TMEM232: variants seen among roughly 807,000 people sequenced by gnomAD.
The protein encoded by TMEM232 is transmembrane protein 232.
In TMEM232, 80 loss-of-function variants were observed where a neutral mutation model predicts 78.8. The ratio of observed to expected loss-of-function variants is 1.01; its 90% CI spans 0.85 to 1.22. The LOEUF (loss-of-function observed/expected upper bound fraction) is 1.22, where lower values mean the gene tolerates loss of function less well. Among genes scored for constraint, TMEM232 ranks in the 50% most tolerant of loss-of-function variants. The probability of loss-of-function intolerance (pLI) is 0.00; values close to 1 mark genes in which losing one functional copy is unlikely to be tolerated. For missense variants in TMEM232, 881 were observed against 742.2 expected (o/e 1.19, Z -2.17); for synonymous variants, 297 against 254.3 (o/e 1.17, Z -1.60).
chr5:110,563,787 T>G (rs1278466156), intron 11 of TMEM232, among the ~76,000 whole-genome samples: 3 of 151,866 alleles, frequency 2.0e-5, no homozygotes, highest in Non-Finnish European at 4.4e-5. Flanking sequence ...GGGCTCCTAA[T>G]CCAAAACCAA....
chr5:110,648,180 C>T lies in TMEM232; in HGVS notation c.126-5809G>A, dbSNP rs565642410. Among the ~76,000 whole-genome samples the T allele has an allele frequency of 1.6e-4, 25 of 152,062 alleles. No homozygotes were observed. The East Asian group carries it at 4.4e-3, about 27-fold the overall frequency. ...TAATCATCAAGATAATAGGGAAATT[C>T]AAATTAAAACCAAAATTAGATGCTA... On this transcript the variant is annotated intron_variant, in intron 2 of 13. Coordinates refer to ENST00000455884, the MANE Select transcript of TMEM232 (RefSeq NM_001039763.4).
chr5:110,461,454 T>C (rs1761519642), intron 12 of TMEM232, among the ~76,000 whole-genome samples: 1 of 152,184 alleles, frequency 6.6e-6, no homozygotes, highest in Admixed American at 6.5e-5. Flanking sequence ...AAATAAGTTG[T>C]TCCTATATCA....
intron 12 of TMEM232, among the ~76,000 whole-genome samples, chr5:110,505,815 T>C (rs1766819787): frequency 6.6e-6 from 1 of 152,138 alleles, no homozygotes; most frequent in African/African-American, 2.4e-5. Context: ...CTGTCCTAAA[T>C]AGGCATTCCT....
At chr5:110,725,374 A>C (rs1021628136) in intron 1 of TMEM232, among the ~76,000 whole-genome samples, 5 of 152,224 alleles carry the variant, frequency 3.3e-5, no homozygotes, top group African/African-American at 1.2e-4. Flanking sequence ...AGAACTACAT[A>C]CAGGACACAT....
At chr5:110,611,061 T>C (rs1003405279) in intron 8 of TMEM232, among the ~76,000 whole-genome samples, 1 of 152,140 alleles carries the variant, frequency 6.6e-6, no homozygotes, top group African/African-American at 2.4e-5. Context: ...AAAATAATTT[T>C]ATAAATATGA....
At chr5:110,600,132 G>A (rs1780704410) in intron 10 of TMEM232, among the ~76,000 whole-genome samples, 2 of 152,134 alleles carry the variant, frequency 1.3e-5, no homozygotes, top group South Asian at 4.1e-4. Flanking sequence ...AAGGAACAAT[G>A]TACCAGAATC....
At chr5:110,491,313 G>A (rs557628114) in intron 12 of TMEM232, among the ~76,000 whole-genome samples, 2 of 152,044 alleles carry the variant, frequency 1.3e-5, no homozygotes, top group African/African-American at 4.8e-5. Flanking sequence ...TAAAAAGACC[G>A]ATAATAACAA....
chr5:110,538,993 A>G (rs181062919), intron 11 of TMEM232, among the ~76,000 whole-genome samples: 31 of 152,310 alleles, frequency 2.0e-4, no homozygotes, highest in Non-Finnish European at 3.5e-4. Context: ...TAGTAGTACC[A>G]AACTCTCCAA....
chr5:110,676,251 G>C (rs1174522479), intron 1 of TMEM232, among the ~76,000 whole-genome samples: 2 of 152,120 alleles, frequency 1.3e-5, no homozygotes, highest in Non-Finnish European at 2.9e-5. Context: ...ATGTCTCTTT[G>C]ACATGCTGAT....
chr5:110,636,974 A>G (rs1421151262), intron 5 of TMEM232, among the ~76,000 whole-genome samples: 1 of 151,954 alleles, frequency 6.6e-6, no homozygotes, highest in East Asian at 1.9e-4. Flanking sequence ...CAGAAATACA[A>G]AAGGCAAGAA....
chr5:110,438,476 A>C (rs1052667667), intron 12 of TMEM232, among the ~76,000 whole-genome samples: 10 of 151,958 alleles, frequency 6.6e-5, no homozygotes, highest in Non-Finnish European at 1.0e-4. Flanking sequence ...TTCATTAAGA[A>C]AATAGATTTG....
chr5:110,458,255 GTCTTTGTTTTGTCA>G (rs1248334569), intron 12 of TMEM232, among the ~76,000 whole-genome samples: 3 of 150,662 alleles, frequency 2.0e-5, no homozygotes, highest in Non-Finnish European at 4.4e-5. Context: ...TTTTCTCTTT[GTCTTTGTTTTGTCA>G]TCTTTTTTTT....
At chr5:110,697,249 A>G (rs902888586) in intron 1 of TMEM232, among the ~76,000 whole-genome samples, 1 of 152,332 alleles carries the variant, frequency 6.6e-6, no homozygotes, top group South Asian at 2.1e-4. Flanking sequence ...AGCCACACAT[A>G]GAAAGATGAA....
intron 12 of TMEM232, among the ~76,000 whole-genome samples, chr5:110,464,302 AGTCTT>A (rs1005613339): frequency 1.3e-5 from 2 of 152,178 alleles, no homozygotes; most frequent in African/African-American, 4.8e-5. Flanking sequence ...TACAAAATAA[AGTCTT>A]GTATTGTTTC....
At chr5:110,665,113 A>G (rs1038233147) in intron 2 of TMEM232, among the ~76,000 whole-genome samples, 1 of 152,158 alleles carries the variant, frequency 6.6e-6, no homozygotes, top group Non-Finnish European at 1.5e-5. Context: ...CTTAAATTCT[A>G]TTGTATGTAT....
At chr5:110,605,842 GA>G (rs1781481948) in intron 9 of TMEM232, among the ~76,000 whole-genome samples, 1 of 152,010 alleles carries the variant, frequency 6.6e-6, no homozygotes, top group Non-Finnish European at 1.5e-5. Flanking sequence ...TGTTGATAGA[GA>G]TTTTATGTAT....
chr5:110,388,559 T>C (rs1409024469), intron 4 of TMEM232, among the ~76,000 whole-genome samples: 1 of 152,180 alleles, frequency 6.6e-6, no homozygotes, highest in Non-Finnish European at 1.5e-5. Flanking sequence ...GCCTAAGTAA[T>C]TTCTTTTTTA....
chr5:110,610,100 G>T (rs1425358674), intron 8 of TMEM232, among the ~76,000 whole-genome samples: 2 of 151,628 alleles, frequency 1.3e-5, no homozygotes, highest in East Asian at 1.9e-4. Context: ...ATCCATAGTT[G>T]AGGAAGTTAA....
chr5:110,495,930 T>C (rs1289203071), intron 12 of TMEM232, among the ~76,000 whole-genome samples: 1 of 151,732 alleles, frequency 6.6e-6, no homozygotes, highest in Non-Finnish European at 1.5e-5. Context: ...GAACCATTCA[T>C]ACTGACAAAG....
Sources: allele counts gnomAD v4.1 joint callset (sites outside exome capture counted in the v4.1 genomes callset), GRCh38; gene constraint gnomAD v4.1.1; transcripts MANE v1.5; gene names NCBI Gene and HGNC (gene_info 2026-07-23, HGNC 2026-07-21).